The following KATNAL1 variants were observed in gnomAD, a reference collection of about 807,000 sequenced individuals.
KATNAL1 encodes katanin catalytic subunit A1 like 1, also known as katanin p60 ATPase-containing subunit A-like 1.
KATNAL1 carries 32 observed loss-of-function variants against 55.2 expected under a neutral mutation model. The observed-to-expected ratio is 0.58, with a 90% confidence interval of 0.44 to 0.78. KATNAL1 has a LOEUF of 0.78. KATNAL1 is among the 30% of genes least tolerant of loss of function. KATNAL1 has a pLI of 0.00. For synonymous variants in KATNAL1, 193 were observed against 193.6 expected (o/e 1.00, Z 0.02); for missense variants, 466 against 600.9 (o/e 0.78, Z 2.35).
chr13:30,239,684 GAT>G (rs142787420), intron 6 of KATNAL1, among the ~76,000 whole-genome samples: 38,776 of 126,646 alleles, frequency 0.31, 5,412 homozygotes, highest in Admixed American at 0.46. Context: ...ATACAGAAGT[GAT>G]TTTTTTTTTT....
chr13:30,247,979 A>G (rs747773079), intron 4 of KATNAL1, among the ~76,000 whole-genome samples: 14 of 152,238 alleles, frequency 9.2e-5, no homozygotes, highest in South Asian at 2.1e-4. Context: ...ATCTTACCAT[A>G]TAAGAAATAC....
At chr13:30,218,205 A>AAAAT (rs377009959) in intron 9 of KATNAL1, among the ~76,000 whole-genome samples, 1 of 139,508 alleles carries the variant, frequency 7.2e-6, no homozygotes, top group Non-Finnish European at 1.5e-5. Flanking sequence ...CAGTAAAAGG[A>AAAAT]ATATATATAT....
Position 30,283,783 on chromosome 13 carries a change from T to C in KATNAL1, c.-6A>G, listed in dbSNP as rs143331388. 3.0e-5 allele frequency: 48 copies of C among 1,605,674 alleles called. No homozygotes were observed. The East Asian group carries it at 1.1e-3, about 35-fold the overall frequency. ...CAAATCTCAGCCAAATTCATCTTCT[T>C]TCAGAGACCTAAACATAAAATATAA... On this transcript the variant is annotated 5_prime_UTR_variant, in exon 2 of 11. Transcript: ENST00000380615.
intron 4 of KATNAL1, among the ~76,000 whole-genome samples, chr13:30,242,303 A>G (rs954855983): frequency 6.6e-6 from 1 of 152,224 alleles, no homozygotes; most frequent in Non-Finnish European, 1.5e-5. Flanking sequence ...AAGTGGCTGG[A>G]AAGAACTTAA....
intron 6 of KATNAL1, among the ~76,000 whole-genome samples, chr13:30,232,292 C>T (rs991052397): frequency 6.6e-6 from 1 of 152,020 alleles, no homozygotes; most frequent in African/African-American, 2.4e-5. Context: ...CCTGGTGATT[C>T]CTTAAGAGGA....
chr13:30,274,711 C>T (rs1174804913), intron 3 of KATNAL1, among the ~76,000 whole-genome samples: 1 of 152,014 alleles, frequency 6.6e-6, no homozygotes, highest in Non-Finnish European at 1.5e-5. Context: ...TCCAGCAATC[C>T]CACTTCTGAG....
At position 30,208,748 on chromosome 13, in the gene KATNAL1, T is replaced by C. The variant is rs1873383992; in HGVS notation, c.1275-10A>G. ...CATTAAAGAGGCATCCCTAAAAATATACCAAAATCAGTCAACAGTAATTTT... is the reference window on the plus strand; with the variant it reads ...CATTAAAGAGGCATCCCTAAAAATACACCAAAATCAGTCAACAGTAATTTT... On this transcript the variant is annotated splice_polypyrimidine_tract_variant and intron_variant, in intron 10 of 10. Coordinates refer to ENST00000380615, the MANE Select transcript of KATNAL1 (RefSeq NM_032116.5). 1 of 1,579,908 alleles carries C rather than the reference T, an allele frequency of 6.3e-7. No homozygotes were observed. The highest frequency in any genetic ancestry group is 8.6e-7 in the Non-Finnish European group (1 of 1,158,916).
At chr13:30,252,416 C>T (rs1593890926) in intron 4 of KATNAL1, among the ~76,000 whole-genome samples, 1 of 152,182 alleles carries the variant, frequency 6.6e-6, no homozygotes, top group South Asian at 2.1e-4. Flanking sequence ...ATATGTCTAA[C>T]TTCTCTTATC....
intron 6 of KATNAL1, among the ~76,000 whole-genome samples, chr13:30,237,745 A>C (rs1593866522): frequency 6.6e-6 from 1 of 152,166 alleles, no homozygotes; most frequent in African/African-American, 2.4e-5. Flanking sequence ...ATAATTCCTT[A>C]TCTCTTTCCC....
At chr13:30,283,844 C>T (rs942650233) in intron 1 of KATNAL1, 53 bp from the exon 2 acceptor site, 8 of 1,074,148 alleles carry the variant, frequency 7.4e-6, no homozygotes, top group African/African-American at 4.8e-5. Flanking sequence ...GACTTTAAAA[C>T]ATTTATTATT....
At chr13:30,228,576 C>G (rs965975410) in intron 8 of KATNAL1, among the ~76,000 whole-genome samples, 3 of 152,104 alleles carry the variant, frequency 2.0e-5, no homozygotes, top group African/African-American at 7.2e-5. Flanking sequence ...TCTCCTATAC[C>G]CCACTTCAAA....
intron 3 of KATNAL1, 37 bp from the exon 4 acceptor site, chr13:30,255,652 T>C: frequency 7.3e-7 from 1 of 1,366,628 alleles, no homozygotes; most frequent in Non-Finnish European, 9.4e-7. Context: ...AAAATTAAAA[T>C]TAAAATTAAT....
chr13:30,225,309 T>C lies in KATNAL1; in HGVS notation c.1147+2103A>G, dbSNP rs546570420. On this transcript the variant is annotated intron_variant, in intron 9 of 10. Coordinates refer to ENST00000380615, the MANE Select transcript of KATNAL1 (RefSeq NM_032116.5). Reference sequence around the variant, plus strand: ...AAGTTCCAGAACCAGACATGAACTATATAATCAGCTTCCACAATCTCCCAT... The same window carrying C: ...AAGTTCCAGAACCAGACATGAACTACATAATCAGCTTCCACAATCTCCCAT... Among the ~76,000 whole-genome samples, 10 of 152,312 alleles carry C rather than the reference T, an allele frequency of 6.6e-5. No individual in the cohort carries two copies. The South Asian group carries it at 1.9e-3, about 28-fold the overall frequency.
rs115710354 is a variant in KATNAL1, at chr13:30,227,695, T to G, written c.1013-149A>C. ...TGTGTGGTGGCAAAACCAGACACAC[T>G]AACAGATAACTACAAAACAAAGAAG... On this transcript the variant is annotated intron_variant, in intron 8 of 10. Coordinates refer to ENST00000380615, the MANE Select transcript of KATNAL1 (RefSeq NM_032116.5). 2,082 of 570,418 alleles carry G rather than the reference T, an allele frequency of 3.6e-3. 32 individuals carry two copies. The highest frequency in any genetic ancestry group is 0.033 in the African/African-American group (1,759 of 53,150). The allele number at this position is 570,418 out of a possible 1,614,324, so 35.3% of individuals were successfully genotyped here. A position where few individuals can be genotyped will look rare whatever the true frequency, so the allele number is the denominator to read the frequency against.
intron 1 of KATNAL1, among the ~76,000 whole-genome samples, chr13:30,305,986 T>A (rs1883151519): frequency 6.6e-6 from 1 of 152,204 alleles, no homozygotes; most frequent in South Asian, 2.1e-4. Flanking sequence ...CAACCTCAAG[T>A]AAAATTTACA....
intron 9 of KATNAL1, among the ~76,000 whole-genome samples, chr13:30,223,299 G>T (rs543321104): frequency 2.6e-4 from 38 of 147,520 alleles, no homozygotes; most frequent in African/African-American, 8.5e-4. Flanking sequence ...AAAATTAGCC[G>T]GGAATGGTGG....
intron 4 of KATNAL1, among the ~76,000 whole-genome samples, chr13:30,241,483 A>T (rs1877275597): frequency 6.6e-6 from 1 of 152,216 alleles, no homozygotes; most frequent in Admixed American, 6.5e-5. Flanking sequence ...AATATGCTTT[A>T]CCCCAAATTC....
intron 8 of KATNAL1, among the ~76,000 whole-genome samples, chr13:30,228,273 C>T (rs1875711234): frequency 6.6e-6 from 1 of 152,172 alleles, no homozygotes; most frequent in South Asian, 2.1e-4. Context: ...ATAAGACTTT[C>T]TAGTCTAGCA....
At position 30,204,090 on chromosome 13, in the gene KATNAL1, T is replaced by G. The variant is rs564899787; in HGVS notation, c.*4450A>C. 6.6e-6 allele frequency: 1 copy of G among 152,316 alleles called. No homozygotes were observed. Among genetic ancestry groups the G allele is most frequent in the East Asian group, 1.9e-4 (1 of 5,188 alleles). The allele number at this position is 152,316 out of a possible 1,614,324, so 9.4% of individuals were successfully genotyped here. A position where few individuals can be genotyped will look rare whatever the true frequency, so the allele number is the denominator to read the frequency against. ...TTCCTATTGTGACATATTCTCAGGT[T>G]CACACAAATATTACGTGCATCACAA... On this transcript the variant is annotated 3_prime_UTR_variant, in exon 11 of 11. Coordinates refer to ENST00000380615, the MANE Select transcript of KATNAL1 (RefSeq NM_032116.5).
Sources: gnomAD v4.1 joint callset for allele counts (sites outside exome capture counted in the v4.1 genomes callset) on GRCh38, gnomAD v4.1.1 for gene constraint, MANE v1.5 for transcripts, NCBI Gene and HGNC (gene_info 2026-07-23, HGNC 2026-07-21) for gene names.